Variants in TRAPPC9 observed in about 807,000 individuals in gnomAD.
TRAPPC9 encodes IKK2 binding protein.
A neutral mutation model predicts 124.0 loss-of-function variants in TRAPPC9; 83 were observed. The observed-to-expected ratio is 0.67, with a 90% confidence interval of 0.56 to 0.80. The LOEUF (loss-of-function observed/expected upper bound fraction) is 0.80. Ranked by LOEUF, TRAPPC9 falls within the 30% of genes least tolerant of loss-of-function variation. The pLI, the probability that TRAPPC9 is intolerant of heterozygous loss-of-function variation, is 0.00. For synonymous variants in TRAPPC9, 638 were observed against 617.5 expected, an observed-to-expected ratio of 1.03 and a Z score of -0.49; for missense variants, 1,302 against 1,508.3, an observed-to-expected ratio of 0.86 and a Z score of 2.27.
chr8:139,923,256 G>C (rs944586262), intron 19 of TRAPPC9, among the ~76,000 whole-genome samples: 1 of 152,150 alleles, frequency 6.6e-6, no homozygotes, highest in Admixed American at 6.5e-5. Flanking sequence ...AATCTTTTTC[G>C]ACAGAAATCT....
intron 9 of TRAPPC9, among the ~76,000 whole-genome samples, chr8:140,332,182 T>C (rs1208637787): frequency 6.6e-6 from 1 of 152,150 alleles, no homozygotes; most frequent in Non-Finnish European, 1.5e-5. Context: ...TATGACATGG[T>C]TGAACCTAAT....
At chr8:140,324,076 C>T (rs1041464727) in intron 9 of TRAPPC9, among the ~76,000 whole-genome samples, 11 of 152,050 alleles carry the variant, frequency 7.2e-5, no homozygotes, top group Admixed American at 3.3e-4. Context: ...CCCCAAAGTC[C>T]GTTGTATCAT....
rs796530757 is a variant in TRAPPC9 at position 140,215,786 on chromosome 8, G to A, written c.2556+5673C>T. 7.9e-5 allele frequency: 12 copies of A among 152,280 alleles called. 1 individual carries two copies. The highest frequency in any genetic ancestry group is 2.9e-4 in the African/African-American group (12 of 41,522). 9.4% of individuals were successfully genotyped at this position (152,280 alleles called of 1,614,324 possible). On this transcript the variant is annotated intron_variant, in intron 17 of 22. Coordinates refer to ENST00000438773, the MANE Select transcript of TRAPPC9 (RefSeq NM_001160372.4). ...TATTTACAAGGATTGAGGAAACCTG[G>A]GAATGTCAAGCACCCAAACAGTCCC... is the stretch of plus-strand genomic sequence containing the variant.
At chr8:140,162,610 A>G (rs1398481818) in intron 17 of TRAPPC9, among the ~76,000 whole-genome samples, 10 of 152,218 alleles carry the variant, frequency 6.6e-5, no homozygotes. Flanking sequence ...GGCAGACTCA[A>G]AAGCATGAAG....
At chr8:140,010,702 T>C (rs1290227249) in intron 18 of TRAPPC9, among the ~76,000 whole-genome samples, 1 of 152,172 alleles carries the variant, frequency 6.6e-6, no homozygotes. Flanking sequence ...ATGTCTATGA[T>C]AGGGAGAAAC....
chr8:140,127,709 T>G (rs2061124278), intron 17 of TRAPPC9, among the ~76,000 whole-genome samples: 1 of 152,244 alleles, frequency 6.6e-6, no homozygotes, highest in Admixed American at 6.5e-5. Context: ...GATACGTTCT[T>G]GATTGCAAAG....
intron 18 of TRAPPC9, 108 bp downstream of exon 18, chr8:140,023,829 G>T: frequency 6.5e-7 from 1 of 1,547,806 alleles, no homozygotes; most frequent in Non-Finnish European, 8.9e-7. Flanking sequence ...TGGCCCCATG[G>T]CACGGATCTG....
At chr8:139,934,518 T>C (rs1404891984) in intron 19 of TRAPPC9, among the ~76,000 whole-genome samples, 2 of 152,222 alleles carry the variant, frequency 1.3e-5, no homozygotes, top group East Asian at 3.8e-4. Context: ...TGGTGCTATT[T>C]CAGTGGTACT....
At chr8:140,054,917 A>T (rs1242134770) in intron 17 of TRAPPC9, among the ~76,000 whole-genome samples, 1 of 152,244 alleles carries the variant, frequency 6.6e-6, no homozygotes, top group African/African-American at 2.4e-5. Context: ...AAAATTTCCC[A>T]GCAAAGGAAA....
At chr8:140,313,679 T>C (rs2066368193) in intron 9 of TRAPPC9, among the ~76,000 whole-genome samples, 1 of 152,176 alleles carries the variant, frequency 6.6e-6, no homozygotes, top group South Asian at 2.1e-4. Flanking sequence ...CTCTCCGCTG[T>C]GCCTGCTGAC....
intron 17 of TRAPPC9, among the ~76,000 whole-genome samples, chr8:140,066,341 G>A (rs1454281206): frequency 1.3e-5 from 2 of 152,172 alleles, no homozygotes; most frequent in African/African-American, 4.8e-5. Flanking sequence ...CGGGAGACCT[G>A]AGCCTATGTG....
In TRAPPC9 at chr8:140,087,927, C is replaced by T. The variant is rs927171388; in HGVS notation, c.2557-63848G>A. On this transcript the variant is annotated intron_variant, in intron 17 of 22. Transcript: ENST00000438773. The surrounding 1 kb of genome is among the most constrained non-coding windows in gnomAD (Gnocchi z 4.6). ...TCAGCTCCCAGCTCCTCCATTACCA[C>T]GTGGTACCATCTCTGGGCCTCTGCA... Among the ~76,000 whole-genome samples the T allele has an allele frequency of 2.0e-5, 3 of 152,040 alleles. No individual in the cohort carries two copies. The highest frequency in any genetic ancestry group is 7.2e-5 in the African/African-American group (3 of 41,402).
intron 6 of TRAPPC9, 47 bp from the exon 7 acceptor site, chr8:140,397,792 T>A: frequency 6.2e-7 from 1 of 1,610,906 alleles, no homozygotes; most frequent in Non-Finnish European, 8.5e-7. Context: ...AGTTCAGATG[T>A]TTCTGTCACA....
chr8:139,836,883 C>T (rs1227966051), intron 21 of TRAPPC9, among the ~76,000 whole-genome samples: 2 of 152,210 alleles, frequency 1.3e-5, no homozygotes, highest in Middle Eastern at 3.4e-3. Context: ...CCCATCACCT[C>T]CAGGGAGGTC....
At chr8:140,397,964 G>A (rs374037074) in intron 6 of TRAPPC9, among the ~76,000 whole-genome samples, 5 of 152,184 alleles carry the variant, frequency 3.3e-5, no homozygotes, top group East Asian at 3.8e-4. Flanking sequence ...GACCTGGTGG[G>A]AGATCACTGA....
At chr8:139,790,467 G>T (rs1370646643) in intron 21 of TRAPPC9, among the ~76,000 whole-genome samples, 3 of 152,212 alleles carry the variant, frequency 2.0e-5, no homozygotes, top group Admixed American at 6.5e-5. Context: ...ACAGGGGAAG[G>T]CAGGCCTCCA....
chr8:140,153,561 G>A (rs531691000), intron 17 of TRAPPC9, among the ~76,000 whole-genome samples: 1 of 151,876 alleles, frequency 6.6e-6, no homozygotes, highest in African/African-American at 2.4e-5. Flanking sequence ...CAATCAATTC[G>A]TTAAAGGCAT....
intron 19 of TRAPPC9, among the ~76,000 whole-genome samples, chr8:139,918,719 GTTTA>G (rs1401603312): frequency 6.6e-6 from 1 of 152,248 alleles, no homozygotes; most frequent in Non-Finnish European, 1.5e-5. Flanking sequence ...CCGGATCAAT[GTTTA>G]TTTTAGGACC....
intron 21 of TRAPPC9, among the ~76,000 whole-genome samples, chr8:139,747,427 G>A (rs1379011131): frequency 6.6e-6 from 1 of 150,700 alleles, no homozygotes; most frequent in African/African-American, 2.4e-5. Flanking sequence ...GTCAGAGTGG[G>A]TGTGGAGGTG....
Sources: gnomAD v4.1 joint callset for allele counts (sites outside exome capture counted in the v4.1 genomes callset) on GRCh38, gnomAD v4.1.1 for gene constraint, Gnocchi (gnomAD v3.1) non-coding constraint, MANE v1.5 for transcripts, NCBI Gene and HGNC (gene_info 2026-07-23, HGNC 2026-07-21) for gene names.